Variants in PCDH9 observed in about 807,000 individuals in gnomAD.
PCDH9 encodes the protein protocadherin 9.
PCDH9 carries 24 observed loss-of-function variants against 70.6 expected under a neutral mutation model. That is an observed-to-expected ratio of 0.34 (90% CI 0.25 to 0.48). The LOEUF is 0.48. Among genes scored for constraint, PCDH9 ranks in the 20% least tolerant of loss-of-function variants. The pLI is 0.99. For missense variants in PCDH9, 1,281 were observed against 1,503.6 expected (o/e 0.85, Z 2.45); for synonymous variants, 562 against 558.5 (o/e 1.01, Z -0.09).
intron 4 of PCDH9, among the ~76,000 whole-genome samples, chr13:66,444,477 T>C (rs952993317): frequency 1.3e-5 from 2 of 152,002 alleles, no homozygotes; most frequent in African/African-American, 4.8e-5. Flanking sequence ...TATTTTGCTT[T>C]CTCCTAATAA....
chr13:66,687,860 A>G (rs891143721), intron 3 of PCDH9, among the ~76,000 whole-genome samples: 1 of 152,060 alleles, frequency 6.6e-6, no homozygotes, highest in African/African-American at 2.4e-5. Context: ...AGAGATCTTG[A>G]TGTTCCTGTT....
chr13:66,482,058 T>C (rs6562457), intron 4 of PCDH9, among the ~76,000 whole-genome samples: 149,509 of 152,248 alleles, frequency 0.98, 73,468 homozygotes, highest in Middle Eastern at 1. Context: ...TATTTTTGGG[T>C]ACCTTTCATC....
intron 3 of PCDH9, among the ~76,000 whole-genome samples, chr13:66,634,806 G>C (rs1008768209): frequency 6.6e-6 from 1 of 152,012 alleles, no homozygotes; most frequent in South Asian, 2.1e-4. Context: ...CTCCAAAAAA[G>C]TATTGTTCTT....
At chr13:66,640,835 T>TTG in intron 3 of PCDH9, among the ~76,000 whole-genome samples, 1 of 152,170 alleles carries the variant, frequency 6.6e-6, no homozygotes, top group Non-Finnish European at 1.5e-5. Context: ...TCAACTGATC[T>TTG]TGTGTCACAC....
At chr13:66,378,144 C>T (rs1027739128) in intron 4 of PCDH9, among the ~76,000 whole-genome samples, 7 of 152,018 alleles carry the variant, frequency 4.6e-5, no homozygotes, top group African/African-American at 9.7e-5. Flanking sequence ...ATAACTTTGC[C>T]GAAAAGCCCT....
At chr13:67,220,273 AAT>A (rs1566504782) in intron 2 of PCDH9, 1 of 150,962 alleles carries the variant, frequency 6.6e-6, no homozygotes, top group Non-Finnish European at 1.5e-5. Context: ...TAAAATTAGT[AAT>A]ATGAAAAAGG....
chr13:66,621,285 C>T (rs888783222), intron 4 of PCDH9, among the ~76,000 whole-genome samples: 2 of 152,118 alleles, frequency 1.3e-5, no homozygotes, highest in African/African-American at 2.4e-5. Context: ...CTATAGAGAC[C>T]TTGTCTCTCT....
chr13:66,969,057 T>C (rs1178210794), intron 2 of PCDH9, among the ~76,000 whole-genome samples: 1 of 152,054 alleles, frequency 6.6e-6, no homozygotes, highest in African/African-American at 2.4e-5. Context: ...GAGGAAAGAC[T>C]GTCAAAAGCC....
intron 4 of PCDH9, among the ~76,000 whole-genome samples, chr13:66,438,119 G>C (rs906016536): frequency 6.6e-6 from 1 of 151,452 alleles, no homozygotes; most frequent in East Asian, 1.9e-4. Flanking sequence ...CTGTAATCCC[G>C]GATACTCAGG....
At chr13:67,040,703 A>T (rs956181510) in intron 2 of PCDH9, among the ~76,000 whole-genome samples, 2 of 152,146 alleles carry the variant, frequency 1.3e-5, no homozygotes, top group African/African-American at 4.8e-5. Flanking sequence ...ATATATATTG[A>T]AATACAGAAT....
chr13:66,347,667 G>A (rs1226398594), intron 4 of PCDH9, among the ~76,000 whole-genome samples: 2 of 152,034 alleles, frequency 1.3e-5, no homozygotes, highest in Middle Eastern at 3.4e-3. Flanking sequence ...CAGCCTTACC[G>A]GCCCTCCTGC....
intron 3 of PCDH9, among the ~76,000 whole-genome samples, chr13:66,858,366 A>C (rs1347047223): frequency 2.0e-5 from 3 of 152,164 alleles, no homozygotes; most frequent in Admixed American, 6.6e-5. Context: ...TTCTTGTGGT[A>C]CAGATGAAAT....
chr13:66,878,706 T>C (rs949046383), intron 3 of PCDH9, among the ~76,000 whole-genome samples: 1 of 152,098 alleles, frequency 6.6e-6, no homozygotes, highest in African/African-American at 2.4e-5. Context: ...ATGTTAGGAC[T>C]TAAAATAGAC....
chr13:66,914,785 A>G (rs2082531009), intron 2 of PCDH9, among the ~76,000 whole-genome samples: 1 of 151,818 alleles, frequency 6.6e-6, no homozygotes, highest in Non-Finnish European at 1.5e-5. Context: ...ATCAAAGTTC[A>G]TTTTGATCAA....
At chr13:66,654,246 T>C (rs1275626110) in intron 3 of PCDH9, among the ~76,000 whole-genome samples, 1 of 152,142 alleles carries the variant, frequency 6.6e-6, no homozygotes. Context: ...CTCACTTATC[T>C]GTGGGAGCTA....
intron 2 of PCDH9, among the ~76,000 whole-genome samples, chr13:67,016,369 C>T (rs1245083324): frequency 1.3e-5 from 2 of 152,118 alleles, no homozygotes; most frequent in Admixed American, 1.3e-4. Context: ...ATAGAAACTT[C>T]CCATCTTTTT....
chr13:67,169,012 C>A (rs1268551035), intron 2 of PCDH9, among the ~76,000 whole-genome samples: 2 of 152,134 alleles, frequency 1.3e-5, no homozygotes, highest in Non-Finnish European at 2.9e-5. Context: ...TTAGTGTATG[C>A]TTTATGTACT....
At chr13:66,504,016 C>CT (rs1029330200) in intron 4 of PCDH9, among the ~76,000 whole-genome samples, 1 of 152,208 alleles carries the variant, frequency 6.6e-6, no homozygotes, top group African/African-American at 2.4e-5. Flanking sequence ...CCACCTGCTT[C>CT]TTAGCATCAA....
At chr13:66,825,162 C>T (rs1233530007) in intron 3 of PCDH9, 1 of 151,272 alleles carries the variant, frequency 6.6e-6, no homozygotes, top group Non-Finnish European at 1.5e-5. Context: ...TTTATTTAGT[C>T]TGCCACTGAA....
Sources: allele counts gnomAD v4.1 joint callset (sites outside exome capture counted in the v4.1 genomes callset), GRCh38; gene constraint gnomAD v4.1.1; transcripts MANE v1.5; gene names NCBI Gene and HGNC (gene_info 2026-07-23, HGNC 2026-07-21).